Variants in SLCO1C1 observed in about 807,000 individuals in gnomAD.
SLCO1C1 encodes the protein solute carrier organic anion transporter family member 1C1.
SLCO1C1 carries 70 observed loss-of-function variants against 76.4 expected under a neutral mutation model. That is an observed-to-expected ratio of 0.92 (90% CI 0.76 to 1.12). SLCO1C1 has a LOEUF of 1.12. Among genes scored for constraint, SLCO1C1 ranks in the 50% most tolerant of loss-of-function variants. The probability of loss-of-function intolerance (pLI) is 0.00; values close to 1 mark genes in which losing one functional copy is unlikely to be tolerated. For missense variants in SLCO1C1, 912 were observed against 823.8 expected, an observed-to-expected ratio of 1.11 and a Z score of -1.31; for synonymous variants, 306 against 286.1, an observed-to-expected ratio of 1.07 and a Z score of -0.70.
intron 1 of SLCO1C1, among the ~76,000 whole-genome samples, chr12:20,699,159 A>T (rs1005895817): frequency 1.3e-5 from 2 of 152,062 alleles, no homozygotes; most frequent in Non-Finnish European, 2.9e-5. Flanking sequence ...AAAGGCTTTA[A>T]AGACTTTATC....
intron 10 of SLCO1C1, among the ~76,000 whole-genome samples, chr12:20,733,614 A>G (rs1197656037): frequency 6.6e-6 from 1 of 152,206 alleles, no homozygotes; most frequent in East Asian, 1.9e-4. Context: ...CATCTGAGGA[A>G]CTGGAGTTAC....
chr12:20,725,300 T>C (rs1467522457), intron 9 of SLCO1C1, among the ~76,000 whole-genome samples: 8 of 134,888 alleles, frequency 5.9e-5, no homozygotes, highest in Admixed American at 1.6e-4. Flanking sequence ...ATTTATAATA[T>C]ATTATAGCAT....
chr12:20,753,027 G>A lies in SLCO1C1; in HGVS notation c.*499G>A, dbSNP rs577140556. ...TTAGGATGGAGCAGAACATGGAGAG[G>A]AAGATTTCATTTTAAGCTCCTCCTT... is the stretch of plus-strand genomic sequence containing the variant. On this transcript the variant is annotated 3_prime_UTR_variant, in exon 15 of 15. Transcript: ENST00000266509. The A allele has an allele frequency of 6.6e-6, 1 of 152,166 alleles. No homozygotes were observed. Among genetic ancestry groups the A allele is most frequent in the Non-Finnish European group, 1.5e-5 (1 of 68,052 alleles). 9.4% of individuals were successfully genotyped at this position (152,166 alleles called of 1,614,324 possible). A position where few individuals can be genotyped will look rare whatever the true frequency, so the allele number is the denominator to read the frequency against.
Position 20,737,262 on chromosome 12 carries a change from G to T in SLCO1C1, c.1538G>T (p.Gly513Val). 6.4e-7 allele frequency: 1 copy of T among 1,555,168 alleles called. No individual in the cohort carries two copies. Among genetic ancestry groups the T allele is most frequent in the Non-Finnish European group, 8.6e-7 (1 of 1,159,636 alleles). ...LAGCQTSNRS[G>V]KNIIFYNCTC... is the part of the protein sequence containing the mutation. ...GGTTGTCAAACCTCCAACAGGAGTG[G>T]AAAAAATATTGTAAGAAATCACCTC... The change falls in exon 11 of 15, where the codon GGA (glycine) becomes GTA (valine). Residue 513 changes from glycine to valine, a missense_variant. Coordinates refer to ENST00000266509, the MANE Select transcript of SLCO1C1 (RefSeq NM_017435.5).
chr12:20,698,334 CTAA>C (rs1250625190), intron 1 of SLCO1C1, among the ~76,000 whole-genome samples: 3 of 151,820 alleles, frequency 2.0e-5, no homozygotes, highest in East Asian at 1.9e-4. Flanking sequence ...ATCCAAAAGC[CTAA>C]TAATAATTTT....
chr12:20,701,064 TAATTC>T (rs1269844652), intron 2 of SLCO1C1, among the ~76,000 whole-genome samples: 1 of 152,120 alleles, frequency 6.6e-6, no homozygotes, highest in Non-Finnish European at 1.5e-5. Context: ...AGACAAAAGA[TAATTC>T]AATACACATT....
In SLCO1C1 at chr12:20,732,961, T is replaced by C; in HGVS notation, c.1239T>C (p.Val413=). ...VALGIFSGGI[V]MKKFRISVCG... Reference sequence around the variant, plus strand: ...TTGGAATATTCTCTGGGGGGATAGTTATGAAAAAATTCAGAATCAGTGTGT... The same window carrying C: ...TTGGAATATTCTCTGGGGGGATAGTCATGAAAAAATTCAGAATCAGTGTGT... The change falls in exon 10 of 15, where the codon GTT becomes GTC. Residue 413 remains valine, a synonymous_variant. Coordinates refer to ENST00000266509, the MANE Select transcript of SLCO1C1 (RefSeq NM_017435.5). The C allele has an allele frequency of 1.2e-6, 2 of 1,614,036 alleles. No individual in the cohort carries two copies. Among genetic ancestry groups the C allele is most frequent in the Non-Finnish European group, 1.7e-6 (2 of 1,179,958 alleles).
chr12:20,723,241 C>T lies in SLCO1C1; in HGVS notation c.1173C>T (p.Ala391=), dbSNP rs1947771103. The T allele has an allele frequency of 1.9e-6, 3 of 1,613,722 alleles. No individual in the cohort carries two copies. Among genetic ancestry groups the T allele is most frequent in the Admixed American group, 1.7e-5 (1 of 59,946 alleles). ...AGTATGGACAGTCATCCTCCAGGGC[C>T]AACTTTGTGATCGGTATGCTCATCT... ...EQQYGQSSSR[A]NFVIGLINIP... Residue 391 remains alanine (A), a synonymous_variant, in exon 9 of 15, where the codon GCC becomes GCT. Coordinates refer to ENST00000266509, the MANE Select transcript of SLCO1C1 (RefSeq NM_017435.5).
intron 10 of SLCO1C1, among the ~76,000 whole-genome samples, chr12:20,733,890 C>A (rs1050356423): frequency 6.6e-6 from 1 of 152,110 alleles, no homozygotes; most frequent in Non-Finnish European, 1.5e-5. Flanking sequence ...GAGTCTTTCC[C>A]ATCACTCTAC....
intron 12 of SLCO1C1, among the ~76,000 whole-genome samples, chr12:20,741,335 T>C (rs982373614): frequency 1.3e-5 from 2 of 152,180 alleles, no homozygotes; most frequent in East Asian, 3.9e-4. Context: ...TGTAAAAGTA[T>C]GTAGCTTCTT....
chr12:20,721,862 T>C lies in SLCO1C1; in HGVS notation c.834T>C (p.Tyr278=), dbSNP rs1253478312. Reference sequence around the variant, plus strand: ...GGGTAGGAGCCTGGTGGCTTGGCTATCTAATAGCAGGAATCATAAGTCTTC... The same window carrying C: ...GGGTAGGAGCCTGGTGGCTTGGCTACCTAATAGCAGGAATCATAAGTCTTC... ...PQWVGAWWLG[Y]LIAGIISLLA... Residue 278 remains tyrosine, a synonymous_variant, in exon 8 of 15, where the codon TAT becomes TAC. Coordinates refer to ENST00000266509, the MANE Select transcript of SLCO1C1 (RefSeq NM_017435.5). 1 of 1,614,160 alleles carries C rather than the reference T, an allele frequency of 6.2e-7. No homozygotes were observed. The highest frequency in any genetic ancestry group is 8.5e-7 in the Non-Finnish European group (1 of 1,180,016).
intron 7 of SLCO1C1, among the ~76,000 whole-genome samples, chr12:20,717,645 CTTCTTTTTTTTTTTTTTTTTTTTTT>C (rs1947435770): frequency 1.1e-5 from 1 of 87,504 alleles, no homozygotes; most frequent in African/African-American, 4.9e-5. Context: ...CCAAACAGCC[CTTCTTTTTTTTTTTTTTTTTTTTTT>C]TTTTTTTTTT....
In SLCO1C1 at chr12:20,707,018, A is replaced by T. The variant is rs144890779; in HGVS notation, c.404+937A>T. The stretch of plus-strand genomic sequence containing the variant: ...ATGATCTAGTCTGAACTTTTTCTTG[A>T]ATTTCTAGACCACTTATGTAAGTAC... On this transcript the variant is annotated intron_variant, in intron 4 of 14. Transcript: ENST00000266509. Among the ~76,000 whole-genome samples, 39 of 150,306 alleles carry T rather than the reference A, an allele frequency of 2.6e-4. 1 individual carries two copies. The East Asian group carries it at 7.6e-3, about 29-fold the overall frequency.
At chr12:20,733,163 GGTGGAGTTGC>G in intron 10 of SLCO1C1, 59 bp downstream of exon 10, 1 of 1,422,688 alleles carries the variant, frequency 7.0e-7, no homozygotes, top group Non-Finnish European at 9.3e-7. Flanking sequence ...ATCAATTATT[GGTGGAGTTGC>G]AAAAAAGGAA....
chr12:20,743,269 A>G (rs1377826408), intron 12 of SLCO1C1, 36 bp from the exon 13 acceptor site: 2 of 1,586,184 alleles, frequency 1.3e-6, no homozygotes, highest in Non-Finnish European at 1.7e-6. Context: ...TTAATGGATT[A>G]TATATTTCTT....
At chr12:20,710,723 C>G (rs762855909) in intron 4 of SLCO1C1, among the ~76,000 whole-genome samples, 16 of 152,154 alleles carry the variant, frequency 1.1e-4, no homozygotes, top group Non-Finnish European at 2.2e-4. Flanking sequence ...ATGTCATTTT[C>G]CATTCTCCAG....
At chr12:20,732,866 T>G in intron 9 of SLCO1C1, 43 bp from the exon 10 acceptor site, 1 of 1,603,714 alleles carries the variant, frequency 6.2e-7, no homozygotes, top group Non-Finnish European at 8.5e-7. Context: ...ACTCAAATCT[T>G]TTTTAGAGAT....
In SLCO1C1 at chr12:20,737,434, G is replaced by A. The variant is rs77009809; in HGVS notation, c.1548+162G>A. ...AGAAAATGTTATAACCATTCCTAGT[G>A]GTACTGGAGTTGCTGAAAAAATTAG... On this transcript the variant is annotated intron_variant, in intron 11 of 14. Coordinates refer to ENST00000266509, the MANE Select transcript of SLCO1C1 (RefSeq NM_017435.5). Among the ~76,000 whole-genome samples the A allele has an allele frequency of 1.3e-4, 20 of 152,246 alleles. No individual in the cohort carries two copies. In the East Asian group the frequency reaches 3.9e-3, roughly 29 times the overall value.
chr12:20,744,975 CT>C (rs1948975487), intron 13 of SLCO1C1, among the ~76,000 whole-genome samples: 1 of 152,008 alleles, frequency 6.6e-6, no homozygotes, highest in Non-Finnish European at 1.5e-5. Context: ...ACCGAGTGAT[CT>C]CCAGTAAGTA....
Sources: gnomAD v4.1 joint callset for allele counts (sites outside exome capture counted in the v4.1 genomes callset) on GRCh38, gnomAD v4.1.1 for gene constraint, MANE v1.5 for transcripts, NCBI Gene and HGNC (gene_info 2026-07-23, HGNC 2026-07-21) for gene names.